ATXN2: variants seen among roughly 807,000 people sequenced by gnomAD.
The protein encoded by ATXN2 is ataxin-2.
ATXN2 carries 37 observed loss-of-function variants against 138.6 expected under a neutral mutation model. That is an observed-to-expected ratio of 0.27 (90% CI 0.21 to 0.35). The LOEUF (loss-of-function observed/expected upper bound fraction) is 0.35, where lower values mean the gene tolerates loss of function less well. ATXN2 is among the 10% of genes least tolerant of loss of function. ATXN2 has a pLI of 1.00. For synonymous variants in ATXN2, 549 were observed against 543.7 expected (o/e 1.01, Z -0.13); for missense variants, 1,216 against 1,480.3 (o/e 0.82, Z 2.93).
chr12:111,552,224 C>A lies in ATXN2; in HGVS notation c.571+56G>T. Reference sequence around the variant, plus strand: ...AAGTTTGTAAGATCACTGTGAAAATCTTTGCTTGAATAAATCTAATAAACC... The same window carrying A: ...AAGTTTGTAAGATCACTGTGAAAATATTTGCTTGAATAAATCTAATAAACC... On this transcript the variant is annotated intron_variant, in intron 5 of 24. Coordinates refer to ENST00000673436, the MANE Select transcript of ATXN2 (RefSeq NM_001372574.1). This position sits in a 1 kb window ranked among gnomAD's most constrained non-coding sequence, Gnocchi z 4.1. The A allele has an allele frequency of 6.7e-7, 1 of 1,499,336 alleles. No individual in the cohort carries two copies. Among genetic ancestry groups the A allele is most frequent in the South Asian group, 1.3e-5 (1 of 75,342 alleles). The allele number at this position is 1,499,336 out of a possible 1,614,324, so 92.9% of individuals were successfully genotyped here. A position where few individuals can be genotyped will look rare whatever the true frequency, so the allele number is the denominator to read the frequency against.
Position 111,485,351 on chromosome 12 carries a change from A to C in ATXN2, c.2458-20T>G. ...TAAAGGCTTGAGAGAATTAAAAAAA[A>C]AATTAACATTAGGCACCTATGATAA... is the stretch of plus-strand genomic sequence containing the variant. On this transcript the variant is annotated intron_variant, in intron 17 of 24. Coordinates refer to ENST00000673436, the MANE Select transcript of ATXN2 (RefSeq NM_001372574.1). The C allele has an allele frequency of 6.3e-7, 1 of 1,599,398 alleles. No individual in the cohort carries two copies. Among genetic ancestry groups the C allele is most frequent in the Middle Eastern group, 1.7e-4 (1 of 6,032 alleles).
intron 18 of ATXN2, chr12:111,471,504 C>T (rs532624414): frequency 6.6e-6 from 1 of 152,322 alleles, no homozygotes; most frequent in African/African-American, 2.4e-5. Context: ...GTGGCATTAA[C>T]CAAGCCACTT....
At chr12:111,503,588 A>T (rs1278490225) in intron 14 of ATXN2, among the ~76,000 whole-genome samples, 3 of 149,240 alleles carry the variant, frequency 2.0e-5, no homozygotes, top group Admixed American at 1.3e-4. Flanking sequence ...TGGGACACAT[A>T]TTTTTTTTTT....
intron 18 of ATXN2, among the ~76,000 whole-genome samples, chr12:111,478,745 A>G (rs1877001602): frequency 6.6e-6 from 1 of 151,844 alleles, no homozygotes; most frequent in South Asian, 2.1e-4. Context: ...GGTGGCTCAC[A>G]TCTGTAATCC....
chr12:111,489,732 G>A (rs751100395), intron 14 of ATXN2, among the ~76,000 whole-genome samples: 5 of 151,614 alleles, frequency 3.3e-5, no homozygotes, highest in Admixed American at 6.6e-5. Flanking sequence ...GACCAGCCTG[G>A]GCAACATAGT....
intron 1 of ATXN2, among the ~76,000 whole-genome samples, chr12:111,587,073 C>CAAA (rs374631048): frequency 1.1e-4 from 12 of 112,882 alleles, no homozygotes; most frequent in South Asian, 3.2e-4. Context: ...CCATTTCTAC[C>CAAA]AAAAAAAAAA....
intron 18 of ATXN2, 43 bp downstream of exon 18, chr12:111,485,222 C>T: frequency 6.5e-7 from 1 of 1,541,528 alleles, no homozygotes; most frequent in Non-Finnish European, 8.9e-7. Flanking sequence ...TCAATTCATG[C>T]AGCATGCAAA....
intron 14 of ATXN2, among the ~76,000 whole-genome samples, chr12:111,504,389 C>A (rs1348527637): frequency 6.6e-6 from 1 of 152,114 alleles, no homozygotes; most frequent in Non-Finnish European, 1.5e-5. Flanking sequence ...TGGGTTCAAG[C>A]GAATCTCCTG....
At chr12:111,521,564 A>AC (rs1346033746) in intron 6 of ATXN2, among the ~76,000 whole-genome samples, 2 of 152,164 alleles carry the variant, frequency 1.3e-5, no homozygotes, top group Non-Finnish European at 2.9e-5. Context: ...GCAGCATGAA[A>AC]CGGTGAACAG....
chr12:111,592,219 A>C (rs1046651145), intron 1 of ATXN2, among the ~76,000 whole-genome samples: 1 of 151,582 alleles, frequency 6.6e-6, no homozygotes, highest in Non-Finnish European at 1.5e-5. Context: ...GTGAAACTCC[A>C]TATCTACTAA....
intron 1 of ATXN2, among the ~76,000 whole-genome samples, chr12:111,579,236 C>G (rs1301419671): frequency 5.3e-5 from 8 of 152,100 alleles, no homozygotes; most frequent in African/African-American, 1.9e-4. Context: ...TCACACAAAA[C>G]CTGTACATAA....
At chr12:111,541,838 G>A (rs1881539217) in intron 5 of ATXN2, among the ~76,000 whole-genome samples, 1 of 147,172 alleles carries the variant, frequency 6.8e-6, no homozygotes, top group Admixed American at 6.8e-5. Context: ...CGGCTGGAGT[G>A]CAATCTCAGC....
intron 5 of ATXN2, among the ~76,000 whole-genome samples, chr12:111,542,542 C>T (rs1881577507): frequency 6.6e-6 from 1 of 152,184 alleles, no homozygotes; most frequent in Non-Finnish European, 1.5e-5. Flanking sequence ...CCACAGCTCA[C>T]TGCAGCCTTG....
At chr12:111,574,860 C>G (rs1883544530) in intron 1 of ATXN2, among the ~76,000 whole-genome samples, 2 of 152,134 alleles carry the variant, frequency 1.3e-5, no homozygotes, top group African/African-American at 4.8e-5. Context: ...AGTTTTCTTT[C>G]TTTCCAGAGA....
Position 111,520,930 on chromosome 12 carries a change from T to G in ATXN2, c.740A>C (p.Glu247Ala). 1.2e-6 allele frequency: 2 copies of G among 1,600,120 alleles called. No individual in the cohort carries two copies. The highest frequency in any genetic ancestry group is 1.7e-6 in the Non-Finnish European group (2 of 1,171,358). The stretch of plus-strand genomic sequence containing the variant: ...ATACGTAGACACTACACCATAATTT[T>G]CTTCATTATATCGAAACATATCATT... ...DPNDMFRYNE[E>A]NYGVVSTYDS... The change falls in exon 7 of 25, where the codon GAA becomes GCA. Residue 247 changes from glutamate (E) to alanine (A), a missense_variant. Coordinates refer to ENST00000673436, the MANE Select transcript of ATXN2 (RefSeq NM_001372574.1).
At chr12:111,566,171 G>A (rs1486243566) in intron 1 of ATXN2, among the ~76,000 whole-genome samples, 1 of 152,082 alleles carries the variant, frequency 6.6e-6, no homozygotes, top group East Asian at 1.9e-4. Flanking sequence ...GGTGGCTCAC[G>A]CCTGTAATCT....
rs548658461 is a variant in ATXN2, at chr12:111,455,980, T to C, written c.3270+49A>G. 3.9e-6 allele frequency: 6 copies of C among 1,557,918 alleles called. No individual in the cohort carries two copies. In the East Asian group the frequency reaches 9.0e-5, roughly 23 times the overall value. On this transcript the variant is annotated intron_variant, in intron 23 of 24. Coordinates refer to ENST00000673436, the MANE Select transcript of ATXN2 (RefSeq NM_001372574.1). ...AGCCTCTAGCTGCTTACTGATAACC[T>C]TCACATTCTACTTGGCCTTCACAGA...
At chr12:111,563,500 T>G (rs1313171897) in intron 1 of ATXN2, among the ~76,000 whole-genome samples, 2 of 152,142 alleles carry the variant, frequency 1.3e-5, no homozygotes, top group Non-Finnish European at 2.9e-5. Flanking sequence ...TATTAGTACA[T>G]ACAAGTTGAA....
rs781225495 is a variant in ATXN2 at position 111,456,049 on chromosome 12, G to C, written c.3250C>G (p.His1084Asp). 3 of 1,614,190 alleles carry C rather than the reference G, an allele frequency of 1.9e-6. No homozygotes were observed. The highest frequency in any genetic ancestry group is 2.5e-6 in the Non-Finnish European group (3 of 1,180,028). Reference protein sequence around the residue: ...HVQPAYTNPPHMAHVPQAHVQ... With the variant: ...HVQPAYTNPPDMAHVPQAHVQ... Reference sequence around the variant, plus strand: ...ATTACCTGAGGTACGTGGGCCATGTGGGGTGGGTTGGTATACGCCGGCTGA... The same window carrying C: ...ATTACCTGAGGTACGTGGGCCATGTCGGGTGGGTTGGTATACGCCGGCTGA... The change falls in exon 23 of 25, where the codon CAC becomes GAC. Residue 1084 changes from histidine to aspartate, a missense_variant. Around this residue, in one of 4 missense-constraint regions of ATXN2, gnomAD observed 490 missense variants for 653.5 expected, o/e 0.75. Transcript: ENST00000673436.
Sources: gnomAD v4.1 joint callset for allele counts (sites outside exome capture counted in the v4.1 genomes callset) on GRCh38, gnomAD v4.1.1 for gene constraint, gnomAD v4.1.1 regional missense constraint, Gnocchi (gnomAD v3.1) non-coding constraint, MANE v1.5 for transcripts, NCBI Gene and HGNC (gene_info 2026-07-23, HGNC 2026-07-21) for gene names.